Variants in NF1 observed in about 807,000 individuals in gnomAD.
NF1 encodes neurofibromin.
In NF1, 122 loss-of-function variants were observed where a neutral mutation model predicts 325.7. The ratio of observed to expected loss-of-function variants is 0.37; its 90% CI spans 0.32 to 0.44. The LOEUF is 0.44. Ranked by LOEUF, NF1 falls within the 20% of genes least tolerant of loss-of-function variation. The pLI is 1.00. For synonymous variants in NF1, 1,091 were observed against 1,186.0 expected (o/e 0.92, Z 1.65); for missense variants, 2,140 against 3,415.4 (o/e 0.63, Z 9.31).
chr17:31,293,579 A>G (rs2068396723), intron 36 of NF1, among the ~76,000 whole-genome samples: 1 of 152,202 alleles, frequency 6.6e-6, no homozygotes, highest in Admixed American at 6.5e-5. Context: ...AAAAAAAAGA[A>G]CACATTAGAG....
intron 36 of NF1, among the ~76,000 whole-genome samples, chr17:31,309,244 A>G (rs1478736701): frequency 6.6e-6 from 1 of 152,142 alleles, no homozygotes; most frequent in African/African-American, 2.4e-5. Flanking sequence ...TTAATGCCTT[A>G]TATATTAGGA....
At chr17:31,276,638 G>A (rs17884675) in intron 36 of NF1, among the ~76,000 whole-genome samples, 1,660 of 152,296 alleles carry the variant, frequency 0.011, 13 homozygotes, top group Non-Finnish European at 0.017. Context: ...TTGCGCTGCA[G>A]AAATATTGAT....
At chr17:31,260,234 A>C in intron 33 of NF1, 135 bp from the exon 34 acceptor site, 1 of 919,136 alleles carries the variant, frequency 1.1e-6, no homozygotes, top group Non-Finnish European at 1.7e-6. Context: ...TCTAATGTCA[A>C]GTCACATTGT....
chr17:31,099,530 T>C (rs75915393), intron 1 of NF1, among the ~76,000 whole-genome samples: 1,588 of 151,720 alleles, frequency 0.01, 14 homozygotes, highest in Non-Finnish European at 0.017. Flanking sequence ...AAGTTTCTAA[T>C]TGAAACTGAC....
intron 33 of NF1, 70 bp downstream of exon 33, chr17:31,259,199 T>A: frequency 9.5e-7 from 1 of 1,055,538 alleles, no homozygotes; most frequent in Non-Finnish European, 1.4e-6. Flanking sequence ...TAAATCCATG[T>A]ACCTGTTTTA....
At chr17:31,145,531 C>T (rs1404003135) in intron 1 of NF1, among the ~76,000 whole-genome samples, 1 of 152,094 alleles carries the variant, frequency 6.6e-6, no homozygotes, top group Non-Finnish European at 1.5e-5. Context: ...GGTCTCTGCT[C>T]AAATGTCACA....
Position 31,156,891 on chromosome 17 carries a change from A to T in NF1, c.204+765A>T, listed in dbSNP as rs146908251. Among the ~76,000 whole-genome samples the T allele has an allele frequency of 1.7e-4, 26 of 152,246 alleles. No individual in the cohort carries two copies. In the East Asian group the frequency reaches 4.8e-3, roughly 28 times the overall value. On this transcript the variant is annotated intron_variant, in intron 2 of 57. Transcript: ENST00000358273. ...CTCCATTCTAAGCTGTTTCAAACTAACATACTCAGTTCATGGCAACTGATC... is the reference window on the plus strand; with the variant it reads ...CTCCATTCTAAGCTGTTTCAAACTATCATACTCAGTTCATGGCAACTGATC...
rs1229215269 is a variant in NF1, at chr17:31,249,055, C to T, written c.4046C>T (p.Ala1349Val). ...LLQMTEKFFH[A>V]IISSSSEFPP... ...CAGATGACTGAAAAGTTCTTCCATGCCATCATCAGTTCCTCCTCAGAATTC... is the reference window on the plus strand; with the variant it reads ...CAGATGACTGAAAAGTTCTTCCATGTCATCATCAGTTCCTCCTCAGAATTC... The change falls in exon 30 of 58, where the codon GCC (alanine) becomes GTC (valine). Residue 1349 changes from alanine to valine, a missense_variant. Physicochemically the swap from Ala to Val is moderately conservative, Grantham distance 64. This residue lies in a region of NF1 where 336 missense variants were observed against 399.0 expected (regional missense o/e 0.84). Coordinates refer to ENST00000358273, the MANE Select transcript of NF1 (RefSeq NM_001042492.3). The T allele has an allele frequency of 1.2e-6, 2 of 1,614,050 alleles. No homozygotes were observed. Among genetic ancestry groups the T allele is most frequent in the Non-Finnish European group, 1.7e-6 (2 of 1,179,934 alleles).
chr17:31,162,261 G>C (rs185436585), intron 3 of NF1, among the ~76,000 whole-genome samples: 3 of 149,560 alleles, frequency 2.0e-5, no homozygotes, highest in African/African-American at 4.9e-5. Context: ...CGGATCACTT[G>C]AGGTCAGGAG....
chr17:31,131,604 C>G (rs909645105), intron 1 of NF1, among the ~76,000 whole-genome samples: 6 of 152,204 alleles, frequency 3.9e-5, no homozygotes, highest in African/African-American at 1.4e-4. Flanking sequence ...AGCCCCCTCC[C>G]TGTGGCTTTT....
intron 36 of NF1, among the ~76,000 whole-genome samples, chr17:31,313,352 C>A (rs948983732): frequency 1.3e-4 from 20 of 152,044 alleles, no homozygotes; most frequent in Non-Finnish European, 2.9e-5. Context: ...CTATTTCTAA[C>A]CCTTAGCTTT....
At chr17:31,359,237 T>C (rs942230731) in intron 56 of NF1, 18 of 529,920 alleles carry the variant, frequency 3.4e-5, no homozygotes, top group Admixed American at 2.9e-4. Flanking sequence ...AGTCAACTTA[T>C]GATCAATTTT....
intron 1 of NF1, among the ~76,000 whole-genome samples, chr17:31,144,418 G>A (rs893652425): frequency 7.9e-5 from 12 of 152,202 alleles, no homozygotes; most frequent in African/African-American, 2.9e-4. Context: ...GTTATCTATT[G>A]CTGTATAATA....
At chr17:31,232,597 A>C in intron 25 of NF1, 103 bp from the exon 26 acceptor site, 2 of 1,105,660 alleles carry the variant, frequency 1.8e-6, no homozygotes, top group South Asian at 2.6e-5. Flanking sequence ...CAGTTAACCC[A>C]GGGCCATTCA....
At position 31,334,861 on chromosome 17, in the gene NF1, T is replaced by C. The variant is rs1422333640; in HGVS notation, c.5836T>C (p.Leu1946=). ...KSSIELKHLC[L]EYMTPWLSNL... ...AGGTATTGAATTGAAACACCTTTGT[T>C]TGGAATACATGACTCCATGGCTGTC... Residue 1946 remains leucine, a synonymous_variant, in exon 40 of 58, where the codon TTG becomes CTG. Transcript: ENST00000358273. 1 of 1,614,002 alleles carries C rather than the reference T, an allele frequency of 6.2e-7. No homozygotes were observed. The highest frequency in any genetic ancestry group is 1.1e-5 in the South Asian group (1 of 91,076).
chr17:31,305,980 T>G (rs1455643119), intron 36 of NF1, among the ~76,000 whole-genome samples: 1 of 152,214 alleles, frequency 6.6e-6, no homozygotes, highest in East Asian at 1.9e-4. Context: ...CTCTATATGC[T>G]GGATCCATGT....
At chr17:31,320,541 G>A (rs956316113) in intron 36 of NF1, 4 of 933,162 alleles carry the variant, frequency 4.3e-6, no homozygotes, top group Non-Finnish European at 6.5e-6. Context: ...TTGAAAATAA[G>A]AAATGTGATA....
chr17:31,145,153 A>T (rs769892894), intron 1 of NF1, among the ~76,000 whole-genome samples: 1 of 152,128 alleles, frequency 6.6e-6, no homozygotes, highest in African/African-American at 2.4e-5. Context: ...TACTGCCGTG[A>T]ATGCTCTTCT....
At chr17:31,108,272 T>G (rs552945663) in intron 1 of NF1, among the ~76,000 whole-genome samples, 55 of 133,260 alleles carry the variant, frequency 4.1e-4, no homozygotes, top group African/African-American at 1.6e-3. Flanking sequence ...GTTTTTTTTT[T>G]TTTTTTTTTT....
Sources: gnomAD v4.1 joint callset for allele counts (sites outside exome capture counted in the v4.1 genomes callset) on GRCh38, gnomAD v4.1.1 for gene constraint, gnomAD v4.1.1 regional missense constraint, MANE v1.5 for transcripts, NCBI Gene and HGNC (gene_info 2026-07-23, HGNC 2026-07-21) for gene names.